The following ANKRD44 variants were observed in gnomAD, a reference collection of about 807,000 sequenced individuals.
The protein encoded by ANKRD44 is ankyrin repeat domain 44, also known as serine/threonine-protein phosphatase 6 regulatory ankyrin repeat subunit B.
In ANKRD44, 35 loss-of-function variants were observed where a neutral mutation model predicts 116.0. The observed-to-expected ratio is 0.30, with a 90% CI of 0.23 to 0.40. The LOEUF is 0.40. ANKRD44 is among the 10% of genes least tolerant of loss of function. The pLI is 1.00. For missense variants in ANKRD44, 1,014 were observed against 1,242.6 expected, an observed-to-expected ratio of 0.82 and a Z score of 2.77; for synonymous variants, 435 against 461.8, an observed-to-expected ratio of 0.94 and a Z score of 0.74.
chr2:196,996,807 G>A (rs1482690537), intron 25 of ANKRD44, among the ~76,000 whole-genome samples: 5 of 151,552 alleles, frequency 3.3e-5, no homozygotes, highest in Non-Finnish European at 7.4e-5. Flanking sequence ...GGGTGGCTGA[G>A]GCAGGAGAAT....
intron 2 of ANKRD44, among the ~76,000 whole-genome samples, chr2:197,167,713 G>A (rs1474030989): frequency 6.6e-6 from 1 of 152,170 alleles, no homozygotes; most frequent in Non-Finnish European, 1.5e-5. Flanking sequence ...ACTATACTTG[G>A]TTGCTTCACC....
At chr2:196,983,331 C>G (rs909080464), downstream of ANKRD44, among the ~76,000 whole-genome samples, 1 of 152,170 alleles carries the variant, frequency 6.6e-6, no homozygotes, top group Admixed American at 6.5e-5. Flanking sequence ...TATGTCTGGG[C>G]TGAGATCGCT....
At chr2:197,290,459 T>G (rs2083531665) in intron 1 of ANKRD44, among the ~76,000 whole-genome samples, 1 of 152,178 alleles carries the variant, frequency 6.6e-6, no homozygotes, top group African/African-American at 2.4e-5. Flanking sequence ...CTGATTCACT[T>G]GAGTTTCCTG....
intron 18 of ANKRD44, among the ~76,000 whole-genome samples, chr2:197,012,909 A>G (rs2076324861): frequency 6.6e-6 from 1 of 152,234 alleles, no homozygotes; most frequent in African/African-American, 2.4e-5. Flanking sequence ...ATGTCTGTGT[A>G]TATATCTAGA....
chr2:197,194,664 C>T (rs1380969372), intron 1 of ANKRD44, among the ~76,000 whole-genome samples: 1 of 152,038 alleles, frequency 6.6e-6, no homozygotes, highest in Non-Finnish European at 1.5e-5. Flanking sequence ...AAAAAGCTGC[C>T]ATATATGAGA....
At chr2:197,073,741 C>A (rs185999547) in intron 16 of ANKRD44, among the ~76,000 whole-genome samples, 3 of 152,156 alleles carry the variant, frequency 2.0e-5, no homozygotes, top group African/African-American at 7.2e-5. Flanking sequence ...TCCAAAGAAG[C>A]CTTCTCTCTA....
At chr2:196,973,792 C>T (rs767534817) in intron 21 of ANKRD44, among the ~76,000 whole-genome samples, 2 of 152,136 alleles carry the variant, frequency 1.3e-5, no homozygotes, top group Non-Finnish European at 2.9e-5. Flanking sequence ...CCTTTTAAAA[C>T]TTCCATGATT....
At chr2:197,043,007 T>C (rs1462831682) in intron 16 of ANKRD44, among the ~76,000 whole-genome samples, 1 of 152,182 alleles carries the variant, frequency 6.6e-6, no homozygotes, top group Non-Finnish European at 1.5e-5. Context: ...GTTGTTTGTG[T>C]TTTGTTTCTA....
intron 1 of ANKRD44, among the ~76,000 whole-genome samples, chr2:197,195,081 T>G (rs1008892498): frequency 6.6e-5 from 10 of 152,220 alleles, no homozygotes; most frequent in Non-Finnish European, 1.3e-4. Flanking sequence ...GCTCAAGCGA[T>G]GCTCCCACCT....
At position 197,078,833 on chromosome 2, in the gene ANKRD44, A is replaced by T. The variant is rs1464441160; in HGVS notation, c.1539-19T>A. ...TAGACATCTGTAAGTATAAAGATGA[A>T]GTGTTATTTTAGAAAACATCTCTGG... On this transcript the variant is annotated intron_variant, in intron 15 of 27. Coordinates refer to ENST00000282272, the MANE Select transcript of ANKRD44 (RefSeq NM_001195144.2). 1.2e-6 allele frequency: 2 copies of T among 1,607,030 alleles called. No individual in the cohort carries two copies. The highest frequency in any genetic ancestry group is 3.4e-5 in the Admixed American group (2 of 59,640).
intron 2 of ANKRD44, among the ~76,000 whole-genome samples, chr2:197,186,005 G>A (rs950028365): frequency 4.6e-5 from 7 of 152,198 alleles, no homozygotes; most frequent in African/African-American, 1.7e-4. Flanking sequence ...AAATGAATGA[G>A]TATGGCCGTG....
chr2:197,230,324 C>G (rs1385774611), intron 1 of ANKRD44, among the ~76,000 whole-genome samples: 1 of 152,102 alleles, frequency 6.6e-6, no homozygotes, highest in Non-Finnish European at 1.5e-5. Context: ...ATGAACTCAA[C>G]ATTCAGGAAT....
At chr2:197,154,242 C>T (rs1216992073) in intron 2 of ANKRD44, among the ~76,000 whole-genome samples, 5 of 143,322 alleles carry the variant, frequency 3.5e-5, no homozygotes, top group Admixed American at 7.2e-5. Flanking sequence ...TGCAGTGGCG[C>T]GATCTCGGCT....
chr2:197,157,406 G>C (rs527393787), intron 2 of ANKRD44, among the ~76,000 whole-genome samples: 2 of 152,294 alleles, frequency 1.3e-5, no homozygotes, highest in South Asian at 4.1e-4. Flanking sequence ...CAGGCGCAGT[G>C]GCTCACGCCT....
intron 16 of ANKRD44, among the ~76,000 whole-genome samples, chr2:197,068,707 C>T (rs1023314861): frequency 1.3e-5 from 2 of 152,188 alleles, no homozygotes; most frequent in Non-Finnish European, 2.9e-5. Flanking sequence ...AAATGCTCAT[C>T]ATCACTGGCC....
intron 20 of ANKRD44, among the ~76,000 whole-genome samples, chr2:197,006,546 G>T (rs1219311640): frequency 2.0e-5 from 3 of 152,140 alleles, no homozygotes; most frequent in African/African-American, 7.2e-5. Flanking sequence ...AGGTCAGTTC[G>T]CCTCTCCATC....
At chr2:197,239,405 A>AT (rs1217204663) in intron 1 of ANKRD44, among the ~76,000 whole-genome samples, 2 of 152,002 alleles carry the variant, frequency 1.3e-5, no homozygotes, top group South Asian at 2.1e-4. Flanking sequence ...CTAGTATTTT[A>AT]TTTTTTGTAG....
At chr2:197,252,680 A>T (rs1253281477) in intron 1 of ANKRD44, among the ~76,000 whole-genome samples, 1 of 152,200 alleles carries the variant, frequency 6.6e-6, no homozygotes, top group Non-Finnish European at 1.5e-5. Context: ...CGCCAGGCAT[A>T]AGCCACTATA....
Position 196,987,942 on chromosome 2 carries a change from A to T in ANKRD44, c.*1649T>A, listed in dbSNP as rs1398035027. 4 of 984,956 alleles carry T rather than the reference A, an allele frequency of 4.1e-6. No individual in the cohort carries two copies. Among genetic ancestry groups the T allele is most frequent in the Admixed American group, 6.1e-5 (1 of 16,264 alleles). The allele number at this position is 984,956 out of a possible 1,614,324, so 61.0% of individuals were successfully genotyped here. A position where few individuals can be genotyped will look rare whatever the true frequency, so the allele number is the denominator to read the frequency against. ...TTTTTAAAGTCATTTCTTTAAAAAA[A>T]TTTTGCCTTGGGGTATGGGAGAAAG... On this transcript the variant is annotated 3_prime_UTR_variant, in exon 28 of 28. Coordinates refer to ENST00000282272, the MANE Select transcript of ANKRD44 (RefSeq NM_001195144.2).
Sources: gnomAD v4.1 joint callset for allele counts (sites outside exome capture counted in the v4.1 genomes callset) on GRCh38, gnomAD v4.1.1 for gene constraint, MANE v1.5 for transcripts, NCBI Gene and HGNC (gene_info 2026-07-23, HGNC 2026-07-21) for gene names.